The following CAST variants were observed in gnomAD, a reference collection of about 807,000 sequenced individuals.
CAST encodes the protein calpastatin.
In CAST, 76 loss-of-function variants were observed where a neutral mutation model predicts 119.6. The observed-to-expected ratio is 0.64, with a 90% CI of 0.53 to 0.77. CAST has a LOEUF of 0.77. Ranked by LOEUF, CAST falls within the 30% of genes least tolerant of loss-of-function variation. CAST has a pLI of 0.00. For synonymous variants in CAST, 319 were observed against 331.6 expected (o/e 0.96, Z 0.41); for missense variants, 953 against 946.5 (o/e 1.01, Z -0.09).
the CAST span, among the ~76,000 whole-genome samples, chr5:96,050,706 C>G: frequency 6.6e-6 from 1 of 152,150 alleles, no homozygotes; most frequent in African/African-American, 2.4e-5. Flanking sequence ...CCAATCCCTG[C>G]TGGGGTGGAA....
chr5:95,961,918 C>G, the CAST span: 1 of 673,890 alleles, frequency 1.5e-6, no homozygotes, highest in East Asian at 3.4e-5. Context: ...GCGCCCCGCC[C>G]CGGGCTCGTC....
chr5:96,102,605 C>T, the CAST span, among the ~76,000 whole-genome samples: 8 of 152,344 alleles, frequency 5.3e-5, no homozygotes, highest in Non-Finnish European at 8.8e-5. Context: ...GGACCCGCCC[C>T]TGCCTGCCTA....
chr5:96,747,186 TA>T (rs1763948541), intron 17 of CAST, among the ~76,000 whole-genome samples, 158 bp from the exon 18 acceptor site: 1 of 152,202 alleles, frequency 6.6e-6, no homozygotes, highest in African/African-American at 2.4e-5. Flanking sequence ...CTCCTTTTTT[TA>T]TACTTTATAA....
the CAST span, among the ~76,000 whole-genome samples, chr5:96,512,901 G>A: frequency 6.6e-6 from 1 of 152,192 alleles, no homozygotes; most frequent in Non-Finnish European, 1.5e-5. Flanking sequence ...CTGAAAACAT[G>A]TAGCAGATGA....
the CAST span, among the ~76,000 whole-genome samples, chr5:96,163,418 A>G: frequency 6.6e-6 from 1 of 152,226 alleles, no homozygotes; most frequent in Non-Finnish European, 1.5e-5. Context: ...ATTGACAGAC[A>G]TTCAGGCTGT....
At chr5:96,120,617 G>A in the CAST span, among the ~76,000 whole-genome samples, 2 of 149,338 alleles carry the variant, frequency 1.3e-5, no homozygotes, top group African/African-American at 4.9e-5. Flanking sequence ...CTGGAATACC[G>A]TAATAGCCTC....
the CAST span, among the ~76,000 whole-genome samples, chr5:95,998,444 G>A: frequency 4.3e-3 from 651 of 152,068 alleles, 3 homozygotes; most frequent in Non-Finnish European, 6.9e-3. Flanking sequence ...TCCAGTGTCT[G>A]TTATTCCACT....
chr5:95,967,943 A>G, the CAST span, among the ~76,000 whole-genome samples: 1 of 152,208 alleles, frequency 6.6e-6, no homozygotes, highest in African/African-American at 2.4e-5. Context: ...TTTATACTAT[A>G]GTTACCTTTT....
At chr5:96,054,446 C>A in the CAST span, among the ~76,000 whole-genome samples, 2 of 151,956 alleles carry the variant, frequency 1.3e-5, no homozygotes, top group Non-Finnish European at 2.9e-5. Context: ...CCTTCTCCTT[C>A]CAGTTTTATT....
chr5:96,764,426 T>TA (rs1377906706), intron 25 of CAST, among the ~76,000 whole-genome samples: 7 of 152,194 alleles, frequency 4.6e-5, no homozygotes, highest in African/African-American at 1.7e-4. Flanking sequence ...TTGTTGTCCA[T>TA]AATTTTTTTC....
the CAST span, among the ~76,000 whole-genome samples, chr5:96,043,571 C>T: frequency 1.3e-5 from 2 of 152,168 alleles, no homozygotes; most frequent in Non-Finnish European, 2.9e-5. Flanking sequence ...TATCTAACTG[C>T]CTCCCTGGTC....
At chr5:96,356,756 C>T in the CAST span, among the ~76,000 whole-genome samples, 529 of 152,240 alleles carry the variant, frequency 3.5e-3, 1 homozygote, top group African/African-American at 0.012. Flanking sequence ...AGTTTGAAGT[C>T]AGGTAGCGTG....
chr5:96,739,195 T>G (rs1268185484), intron 11 of CAST, among the ~76,000 whole-genome samples: 1 of 152,220 alleles, frequency 6.6e-6, no homozygotes, highest in African/African-American at 2.4e-5. Context: ...TGACAATTCC[T>G]ATAGTTTTCC....
the CAST span, among the ~76,000 whole-genome samples, chr5:96,457,298 A>G: frequency 9.7e-3 from 1,479 of 152,220 alleles, 7 homozygotes; most frequent in Non-Finnish European, 0.016. Context: ...TACCGAAACA[A>G]CACTTTAAGT....
At chr5:96,762,399 T>C (rs758857532) in intron 25 of CAST, 27 bp downstream of exon 25, 5 of 1,508,304 alleles carry the variant, frequency 3.3e-6, no homozygotes, top group Non-Finnish European at 4.5e-6. Flanking sequence ...ATTTGGGAGA[T>C]AAATGTTTTT....
the CAST span, among the ~76,000 whole-genome samples, chr5:96,393,792 G>T: frequency 6.6e-6 from 1 of 152,184 alleles, no homozygotes; most frequent in African/African-American, 2.4e-5. Context: ...GCGGTAGCAT[G>T]GGTGTGCCTT....
chr5:96,486,090 T>G, the CAST span, among the ~76,000 whole-genome samples: 1 of 151,876 alleles, frequency 6.6e-6, no homozygotes, highest in South Asian at 2.1e-4. Flanking sequence ...TAATACAGAG[T>G]AGATCAGGAC....
In CAST at chr5:96,632,025, A is replaced by AATTATTATTATTATTATT. The variant is rs3064173; in HGVS notation, c.61-43508_61-43491dup. Among the ~76,000 whole-genome samples the AATTATTATTATTATTATT allele has an allele frequency of 4.9e-3, 733 of 149,730 alleles. 11 individuals are homozygous for AATTATTATTATTATTATT. The East Asian group carries it at 0.054, about 11-fold the overall frequency. Reference sequence around the variant, plus strand: ...CAACACTTGTTATTGTCCTTTTAAAAATTATTATTATTATTATTATTATAG... The same window carrying AATTATTATTATTATTATT: ...CAACACTTGTTATTGTCCTTTTAAAAATTATTATTATTATTATTATTATTATTATTATTATTATTATAG... On this transcript the variant is annotated intron_variant, in intron 1 of 11. Coordinates refer to the CAST transcript ENST00000505143.
At chr5:96,605,749 TG>T (rs1273816222) in intron 1 of CAST, among the ~76,000 whole-genome samples, 1 of 152,212 alleles carries the variant, frequency 6.6e-6, no homozygotes, top group African/African-American at 2.4e-5. Context: ...TAAGGTAAAG[TG>T]GGTATTTTGT....
Sources: allele counts gnomAD v4.1 joint callset (sites outside exome capture counted in the v4.1 genomes callset), GRCh38; gene constraint gnomAD v4.1.1; transcripts MANE v1.5; gene names NCBI Gene and HGNC (gene_info 2026-07-23, HGNC 2026-07-21).